Variants in WFDC8 observed in about 807,000 individuals in gnomAD.
The protein encoded by WFDC8 is WAP four-disulfide core domain 8.
A neutral mutation model predicts 27.0 loss-of-function variants in WFDC8; 24 were observed. That is an observed-to-expected ratio of 0.89 (90% CI 0.64 to 1.25). WFDC8 has a LOEUF of 1.25. Ranked by LOEUF, WFDC8 falls within the 50% of genes most tolerant of loss-of-function variation. The pLI, the probability that WFDC8 is intolerant of heterozygous loss-of-function variation, is 0.00. For missense variants in WFDC8, 287 were observed against 295.9 expected (o/e 0.97, Z 0.22); for synonymous variants, 106 against 99.7 (o/e 1.06, Z -0.38).
At chr20:45,557,866 C>T (rs1004235819) in intron 3 of WFDC8, among the ~76,000 whole-genome samples, 1 of 152,258 alleles carries the variant, frequency 6.6e-6, no homozygotes, top group Non-Finnish European at 1.5e-5. Flanking sequence ...AGAAACAGCC[C>T]CTGATGTCTG....
At chr20:45,559,726 T>TATTTTC (rs1980398086) in intron 2 of WFDC8, 1 of 151,874 alleles carries the variant, frequency 6.6e-6, no homozygotes, top group South Asian at 2.1e-4. Context: ...TTTTTATTTT[T>TATTTTC]TTACTAAAAA....
rs953774304 is a variant in WFDC8, at chr20:45,575,806, G to A, written c.26+3416C>T. Among the ~76,000 whole-genome samples the A allele has an allele frequency of 1.3e-5, 2 of 151,182 alleles. 1 individual carries two copies. The highest frequency in any genetic ancestry group is 3.0e-5 in the Non-Finnish European group (2 of 67,624). ...ACCCTCTAGTTCTCCCCAGTTAGGC[G>A]CTTGCCCAGCCCCAGGCCCTGTTTC... On this transcript the variant is annotated intron_variant, in intron 1 of 5. Transcript: ENST00000289953.
At chr20:45,568,308 A>G (rs1980750841) in intron 1 of WFDC8, 1 of 241,978 alleles carries the variant, frequency 4.1e-6, no homozygotes, top group Non-Finnish European at 8.5e-6. Flanking sequence ...GGAGCTTTCA[A>G]TACTGATGAT....
intron 1 of WFDC8, among the ~76,000 whole-genome samples, chr20:45,569,731 T>C: frequency 6.6e-6 from 1 of 152,144 alleles, no homozygotes; most frequent in Admixed American, 6.5e-5. Flanking sequence ...CCATCACCAT[T>C]TATTGAATAG....
At chr20:45,578,746 T>C (rs1210212492) in intron 1 of WFDC8, among the ~76,000 whole-genome samples, 5 of 152,222 alleles carry the variant, frequency 3.3e-5, no homozygotes, top group Non-Finnish European at 7.3e-5. Flanking sequence ...CTACTACTCC[T>C]GTTTTAATTT....
At chr20:45,566,376 T>A (rs1405458745) in intron 1 of WFDC8, among the ~76,000 whole-genome samples, 1 of 152,216 alleles carries the variant, frequency 6.6e-6, no homozygotes, top group Non-Finnish European at 1.5e-5. Flanking sequence ...AATAACATAT[T>A]GCTAGCCAGG....
At chr20:45,562,568 G>A (rs775709654) in intron 1 of WFDC8, among the ~76,000 whole-genome samples, 46 of 152,136 alleles carry the variant, frequency 3.0e-4, no homozygotes, top group Non-Finnish European at 5.3e-4. Context: ...GTCACTCCAG[G>A]GGCAACCCCA....
intron 1 of WFDC8, among the ~76,000 whole-genome samples, chr20:45,563,853 A>C (rs1980552786): frequency 6.6e-6 from 1 of 152,234 alleles, no homozygotes; most frequent in East Asian, 1.9e-4. Flanking sequence ...ATTAGCCTGC[A>C]GTCAGTTAGA....
chr20:45,574,659 A>G (rs1040994081), intron 1 of WFDC8, among the ~76,000 whole-genome samples: 1 of 152,148 alleles, frequency 6.6e-6, no homozygotes, highest in East Asian at 1.9e-4. Context: ...TTAGCCAGGC[A>G]TGGTGACACA....
chr20:45,554,317 T>C (rs1018895824), intron 4 of WFDC8, among the ~76,000 whole-genome samples: 3 of 152,116 alleles, frequency 2.0e-5, no homozygotes, highest in African/African-American at 7.2e-5. Context: ...TGTGAGCTAC[T>C]GTGCCTGGCC....
intron 1 of WFDC8, among the ~76,000 whole-genome samples, chr20:45,577,461 C>T (rs1470498590): frequency 3.3e-5 from 5 of 149,492 alleles, no homozygotes; most frequent in Non-Finnish European, 4.5e-5. Context: ...TACAGTAGTG[C>T]GATCTCGGCT....
chr20:45,570,524 T>C (rs1438209241), intron 1 of WFDC8, among the ~76,000 whole-genome samples: 1 of 152,218 alleles, frequency 6.6e-6, no homozygotes, highest in African/African-American at 2.4e-5. Flanking sequence ...ATTTTGTCCA[T>C]TCTATGGCTA....
intron 1 of WFDC8, among the ~76,000 whole-genome samples, chr20:45,567,195 C>T (rs1980708798): frequency 6.6e-6 from 1 of 152,114 alleles, no homozygotes; most frequent in Non-Finnish European, 1.5e-5. Flanking sequence ...TTTTCAAATA[C>T]AAGTAGGGAC....
chr20:45,551,612 TCTC>T, downstream of WFDC8: 1 of 97,798 alleles, frequency 1.0e-5, no homozygotes, highest in Non-Finnish European at 2.1e-5. Flanking sequence ...CAAAACTCCG[TCTC>T]ACAAAAAAAA....
In WFDC8 at chr20:45,555,330, T is replaced by A. The variant is rs144231773; in HGVS notation, c.445+371A>T. Among the ~76,000 whole-genome samples, 496 of 152,314 alleles carry A rather than the reference T, an allele frequency of 3.3e-3. 3 individuals are homozygous for A. Among genetic ancestry groups the A allele is most frequent in the African/African-American group, 0.011 (469 of 41,566 alleles). ...CATGGGATTCCAGAGCTGGCCTGTC[T>A]ACACTTCATTCTTAAGCAAATCCTC... is the stretch of plus-strand genomic sequence containing the variant. On this transcript the variant is annotated intron_variant, in intron 4 of 5. Coordinates refer to ENST00000289953, the MANE Select transcript of WFDC8 (RefSeq NM_130896.3).
chr20:45,577,289 A>G (rs2145580253), intron 1 of WFDC8, among the ~76,000 whole-genome samples: 1 of 151,590 alleles, frequency 6.6e-6, no homozygotes, highest in South Asian at 2.1e-4. Context: ...GAGGCCTGCA[A>G]TGTGCCTTAC....
At chr20:45,571,497 T>G (rs1018204297) in intron 1 of WFDC8, among the ~76,000 whole-genome samples, 1 of 152,228 alleles carries the variant, frequency 6.6e-6, no homozygotes, top group African/African-American at 2.4e-5. Context: ...AGAACATTTC[T>G]GTAGCAATTC....
chr20:45,562,020 C>T lies in WFDC8; in HGVS notation c.136+90G>A, dbSNP rs375332642. 51 of 1,207,228 alleles carry T rather than the reference C, an allele frequency of 4.2e-5. No individual in the cohort carries two copies. In the African/African-American group the frequency reaches 6.9e-4, roughly 16 times the overall value. The allele number at this position is 1,207,228 out of a possible 1,614,324, so 74.8% of individuals were successfully genotyped here. A position where few individuals can be genotyped will look rare whatever the true frequency, so the allele number is the denominator to read the frequency against. Reference sequence around the variant, plus strand: ...GCCCCAAATCCACAGTAGAGGGGGCCTCATCTGACACTGGCACTGGCCTCA... The same window carrying T: ...GCCCCAAATCCACAGTAGAGGGGGCTTCATCTGACACTGGCACTGGCCTCA... On this transcript the variant is annotated intron_variant, in intron 2 of 5. Coordinates refer to ENST00000289953, the MANE Select transcript of WFDC8 (RefSeq NM_130896.3).
At chr20:45,570,141 A>G (rs970028203) in intron 1 of WFDC8, among the ~76,000 whole-genome samples, 1 of 152,148 alleles carries the variant, frequency 6.6e-6, no homozygotes, top group African/African-American at 2.4e-5. Flanking sequence ...CCATGGCACA[A>G]GTTTACCTAT....
Sources: gnomAD v4.1 joint callset for allele counts (sites outside exome capture counted in the v4.1 genomes callset) on GRCh38, gnomAD v4.1.1 for gene constraint, MANE v1.5 for transcripts, NCBI Gene and HGNC (gene_info 2026-07-23, HGNC 2026-07-21) for gene names.